SOX5: variants seen among roughly 807,000 people sequenced by gnomAD.
The protein encoded by SOX5 is transcription factor SOX-5.
SOX5 carries 9 observed loss-of-function variants against 92.0 expected under a neutral mutation model. The observed-to-expected ratio is 0.10, with a 90% CI of 0.06 to 0.17. The LOEUF is 0.17. Among genes scored for constraint, SOX5 ranks in the 10% least tolerant of loss-of-function variants. The probability of loss-of-function intolerance (pLI) is 1.00; values close to 1 mark genes in which losing one functional copy is unlikely to be tolerated. For synonymous variants in SOX5, 344 were observed against 336.3 expected, an observed-to-expected ratio of 1.02 and a Z score of -0.25; for missense variants, 642 against 944.5, an observed-to-expected ratio of 0.68 and a Z score of 4.20.
At chr12:24,344,281 CAAAAAAAAAA>C (rs61660537) in intron 2 of SOX5, among the ~76,000 whole-genome samples, 6 of 104,324 alleles carry the variant, frequency 5.8e-5, no homozygotes, top group South Asian at 2.7e-4. Flanking sequence ...GACTCTGTCT[CAAAAAAAAAA>C]AAAAAAAAAA....
chr12:24,076,169 T>C (rs1210516416), intron 4 of SOX5, among the ~76,000 whole-genome samples: 1 of 152,126 alleles, frequency 6.6e-6, no homozygotes, highest in African/African-American at 2.4e-5. Flanking sequence ...GGGTGGCTTG[T>C]TATTATCTCT....
chr12:24,441,354 A>G (rs774423880), intron 1 of SOX5, among the ~76,000 whole-genome samples: 2 of 152,180 alleles, frequency 1.3e-5, no homozygotes, highest in Non-Finnish European at 2.9e-5. Context: ...CTTATGAAGG[A>G]TAATTCTTTT....
chr12:24,123,914 C>T (rs1325183118), intron 4 of SOX5, among the ~76,000 whole-genome samples: 1 of 152,186 alleles, frequency 6.6e-6, no homozygotes, highest in African/African-American at 2.4e-5. Flanking sequence ...ATCTCACTCA[C>T]TCTCACTACA....
intron 10 of SOX5, among the ~76,000 whole-genome samples, chr12:23,567,409 T>C (rs542097354): frequency 1.3e-5 from 2 of 151,892 alleles, no homozygotes; most frequent in South Asian, 2.1e-4. Context: ...AAATCATTAA[T>C]GTAAGAAATT....
chr12:24,252,263 T>G (rs1940228110), intron 3 of SOX5, among the ~76,000 whole-genome samples: 1 of 152,210 alleles, frequency 6.6e-6, no homozygotes, highest in African/African-American at 2.4e-5. Context: ...ACAAGTTAAT[T>G]TCCTAATGTC....
Position 24,333,851 on chromosome 12 carries a change from TAAA to T in SOX5, c.-174+34709_-174+34711del, listed in dbSNP as rs5797076. On this transcript the variant is annotated intron_variant, in intron 2 of 4. Transcript: ENST00000446891. ...ATAATGTGTCTAAAGTTCACCAAGT[TAAA>T]AAAAAAAAAAAAAAGGTAGGGGGAG... 1.6e-3 allele frequency among the ~76,000 whole-genome samples: 222 copies of T among 138,478 alleles called. 1 individual carries two copies. Among genetic ancestry groups the T allele is most frequent in the African/African-American group, 1.9e-3 (72 of 37,822 alleles). The allele number at this position is 138,478 out of a possible 152,430, so 90.8% of individuals were successfully genotyped here.
At chr12:23,553,101 T>C (rs1322910034) in intron 11 of SOX5, among the ~76,000 whole-genome samples, 1 of 152,046 alleles carries the variant, frequency 6.6e-6, no homozygotes, top group Non-Finnish European at 1.5e-5. Flanking sequence ...GATAATTTTC[T>C]CAAAAATCAT....
chr12:23,797,169 A>C (rs2095578900), intron 3 of SOX5, among the ~76,000 whole-genome samples: 1 of 151,816 alleles, frequency 6.6e-6, no homozygotes, highest in Non-Finnish European at 1.5e-5. Flanking sequence ...TTGGTACCTT[A>C]ACTAGTTGAA....
chr12:23,854,220 A>C (rs12099535), intron 2 of SOX5, among the ~76,000 whole-genome samples: 2 of 152,144 alleles, frequency 1.3e-5, no homozygotes, highest in Non-Finnish European at 2.9e-5. Flanking sequence ...TTTAATACAG[A>C]GCATTCATTC....
intron 3 of SOX5, among the ~76,000 whole-genome samples, chr12:24,213,762 CTAAT>C (rs1293778795): frequency 5.9e-5 from 9 of 151,760 alleles, no homozygotes; most frequent in African/African-American, 2.2e-4. Context: ...AAAATATGAA[CTAAT>C]TATTTTGGAG....
chr12:23,696,739 C>T (rs1389807532), intron 6 of SOX5, among the ~76,000 whole-genome samples: 1 of 152,046 alleles, frequency 6.6e-6, no homozygotes, highest in East Asian at 1.9e-4. Context: ...TATACATTCC[C>T]TTCTAAATAC....
rs1439183256 is a variant in SOX5 at position 24,470,522 on chromosome 12, G to A, written c.-251+91807C>T. 2.0e-5 allele frequency among the ~76,000 whole-genome samples: 3 copies of A among 146,834 alleles called. No individual in the cohort carries two copies. The East Asian group carries it at 6.3e-4, about 31-fold the overall frequency. On this transcript the variant is annotated intron_variant, in intron 1 of 4. Transcript: ENST00000446891. Reference sequence around the variant, plus strand: ...CAGCTTTTCATTCATAAGGGTGTTTGATCAAGGATTCCAAACAGTGAGAGA... The same window carrying A: ...CAGCTTTTCATTCATAAGGGTGTTTAATCAAGGATTCCAAACAGTGAGAGA...
chr12:23,808,859 T>G (rs2095826980), intron 3 of SOX5, among the ~76,000 whole-genome samples: 1 of 152,188 alleles, frequency 6.6e-6, no homozygotes, highest in Non-Finnish European at 1.5e-5. Flanking sequence ...ACCAACAGTT[T>G]CTAATAGTGG....
intron 4 of SOX5, among the ~76,000 whole-genome samples, chr12:24,119,172 G>A (rs1045975411): frequency 1.3e-5 from 2 of 151,990 alleles, no homozygotes; most frequent in Non-Finnish European, 2.9e-5. Context: ...ATTCTCTCAG[G>A]AACTATTAGA....
intron 4 of SOX5, among the ~76,000 whole-genome samples, chr12:24,053,798 G>C (rs1171423260): frequency 6.6e-6 from 1 of 152,094 alleles, no homozygotes; most frequent in Admixed American, 6.6e-5. Context: ...AGCTTTCATT[G>C]AGTGTTATTA....
chr12:24,029,395 C>T (rs1378691458), intron 4 of SOX5, among the ~76,000 whole-genome samples: 1 of 151,946 alleles, frequency 6.6e-6, no homozygotes, highest in Non-Finnish European at 1.5e-5. Context: ...CCACCTCAGC[C>T]TCCCAAGTAG....
intron 4 of SOX5, among the ~76,000 whole-genome samples, chr12:24,093,522 CAAA>C (rs747562605): frequency 8.4e-6 from 1 of 118,848 alleles, no homozygotes. Flanking sequence ...GACTCCGTCT[CAAA>C]AAAAAAAAAA....
At chr12:23,914,630 G>A (rs1049741168) in intron 1 of SOX5, among the ~76,000 whole-genome samples, 4 of 152,074 alleles carry the variant, frequency 2.6e-5, no homozygotes, top group Non-Finnish European at 4.4e-5. Flanking sequence ...AGAGCTTACT[G>A]ATTCCCAAGG....
chr12:23,820,187 T>C (rs1267364769), intron 3 of SOX5, among the ~76,000 whole-genome samples: 1 of 152,232 alleles, frequency 6.6e-6, no homozygotes, highest in Non-Finnish European at 1.5e-5. Flanking sequence ...CCAGTGATGA[T>C]GAGCTTTTTT....
Sources: gnomAD v4.1 joint callset for allele counts (sites outside exome capture counted in the v4.1 genomes callset) on GRCh38, gnomAD v4.1.1 for gene constraint, MANE v1.5 for transcripts, NCBI Gene and HGNC (gene_info 2026-07-23, HGNC 2026-07-21) for gene names.